Variants in PRIMA1 observed in about 807,000 individuals in gnomAD.
PRIMA1 encodes the protein proline rich membrane anchor 1.
A neutral mutation model predicts 17.5 loss-of-function variants in PRIMA1; 7 were observed. The observed-to-expected ratio is 0.40, with a 90% CI of 0.23 to 0.75. The LOEUF (loss-of-function observed/expected upper bound fraction) is 0.75. Among genes scored for constraint, PRIMA1 ranks in the 30% least tolerant of loss-of-function variants. PRIMA1 has a pLI of 0.37. For missense variants in PRIMA1, 200 were observed against 201.8 expected, an observed-to-expected ratio of 0.99 and a Z score of 0.05; for synonymous variants, 97 against 77.9, an observed-to-expected ratio of 1.25 and a Z score of -1.29.
Position 93,765,357 on chromosome 14 carries a change from T to C in PRIMA1, c.229+13819A>G, listed in dbSNP as rs142821415. On this transcript the variant is annotated intron_variant, in intron 3 of 4. Coordinates refer to ENST00000393140, the MANE Select transcript of PRIMA1 (RefSeq NM_178013.4). Reference sequence around the variant, plus strand: ...TGCTGCCGCTGAGGACACAGAGGCATAAACAGTTCCTGTCCTCAGGGATCG... The same window carrying C: ...TGCTGCCGCTGAGGACACAGAGGCACAAACAGTTCCTGTCCTCAGGGATCG... 5.9e-5 allele frequency among the ~76,000 whole-genome samples: 9 copies of C among 151,324 alleles called. No homozygotes were observed. The East Asian group carries it at 1.7e-3, about 29-fold the overall frequency.
chr14:93,766,561 G>A (rs1056249701), intron 3 of PRIMA1, among the ~76,000 whole-genome samples: 1 of 152,232 alleles, frequency 6.6e-6, no homozygotes, highest in Non-Finnish European at 1.5e-5. Flanking sequence ...TTTCAACCAC[G>A]GGACAGAGCT....
intron 4 of PRIMA1, among the ~76,000 whole-genome samples, chr14:93,734,022 G>C (rs2076132709): frequency 6.6e-6 from 1 of 152,158 alleles, no homozygotes; most frequent in Non-Finnish European, 1.5e-5. Flanking sequence ...TGGCAGTATT[G>C]GGCTCTATTT....
At chr14:93,736,868 CTT>C (rs1372119460) in intron 4 of PRIMA1, among the ~76,000 whole-genome samples, 1 of 152,192 alleles carries the variant, frequency 6.6e-6, no homozygotes, top group East Asian at 1.9e-4. Context: ...TCCTATGACT[CTT>C]TGGTGTTTTG....
At chr14:93,764,874 C>T (rs1884842637) in intron 3 of PRIMA1, among the ~76,000 whole-genome samples, 1 of 152,146 alleles carries the variant, frequency 6.6e-6, no homozygotes, top group Non-Finnish European at 1.5e-5. Context: ...AGGAAAGTGA[C>T]TCTGACGTTT....
intron 3 of PRIMA1, among the ~76,000 whole-genome samples, chr14:93,752,144 G>T (rs983301951): frequency 1.3e-5 from 2 of 152,108 alleles, no homozygotes; most frequent in South Asian, 2.1e-4. Flanking sequence ...ACAGCCACCC[G>T]GATCCTGCCA....
chr14:93,727,984 C>A lies in PRIMA1; in HGVS notation c.360-6438G>T, dbSNP rs1335026331. Among the ~76,000 whole-genome samples, 7 of 152,236 alleles carry A rather than the reference C, an allele frequency of 4.6e-5. 1 individual carries two copies. Among genetic ancestry groups the A allele is most frequent in the Non-Finnish European group, 8.8e-5 (6 of 68,046 alleles). On this transcript the variant is annotated intron_variant, in intron 4 of 4. Coordinates refer to ENST00000393140, the MANE Select transcript of PRIMA1 (RefSeq NM_178013.4). ...CTGAGCCAGCCCAGCCCAGCCTGGT[C>A]ACCATGGGCACTACAGAAATGCCCG...
At chr14:93,771,859 G>A (rs963778269) in intron 3 of PRIMA1, among the ~76,000 whole-genome samples, 1 of 152,146 alleles carries the variant, frequency 6.6e-6, no homozygotes, top group African/African-American at 2.4e-5. Flanking sequence ...AGGAAAGGGG[G>A]GTCCCTGAAG....
chr14:93,721,278 C>T lies in PRIMA1; in HGVS notation c.*166G>A. On this transcript the variant is annotated 3_prime_UTR_variant, in exon 5 of 5. Transcript: ENST00000393140. ...GAGCTGCCTGGGCCCGCAGGCTGACCAGGGGCAAGCCTGGGAAGACAATGG... is the reference window on the plus strand; with the variant it reads ...GAGCTGCCTGGGCCCGCAGGCTGACTAGGGGCAAGCCTGGGAAGACAATGG... 1 of 584,720 alleles carries T rather than the reference C, an allele frequency of 1.7e-6. No homozygotes were observed. The highest frequency in any genetic ancestry group is 2.1e-5 in the South Asian group (1 of 47,810). The allele number at this position is 584,720 out of a possible 1,614,324, so 36.2% of individuals were successfully genotyped here.
chr14:93,732,636 C>T (rs2076122310), intron 4 of PRIMA1, among the ~76,000 whole-genome samples: 1 of 152,228 alleles, frequency 6.6e-6, no homozygotes, highest in Non-Finnish European at 1.5e-5. Flanking sequence ...TGGCACCTGG[C>T]CCAGCCCTGG....
At chr14:93,746,085 C>T (rs1481064895) in intron 3 of PRIMA1, among the ~76,000 whole-genome samples, 2 of 152,018 alleles carry the variant, frequency 1.3e-5, no homozygotes, top group Non-Finnish European at 2.9e-5. Context: ...GCGGGCTCAG[C>T]CTAGGAGGTC....
intron 3 of PRIMA1, among the ~76,000 whole-genome samples, chr14:93,769,098 G>A (rs1042777621): frequency 1.3e-5 from 2 of 152,148 alleles, no homozygotes; most frequent in African/African-American, 2.4e-5. Context: ...GGAGATAGGA[G>A]TCATGTTCAT....
intron 3 of PRIMA1, among the ~76,000 whole-genome samples, chr14:93,740,234 A>C (rs2076176515): frequency 6.6e-6 from 1 of 152,238 alleles, no homozygotes; most frequent in Non-Finnish European, 1.5e-5. Flanking sequence ...GAACTCTAAA[A>C]TAAGAAAAAG....
At position 93,724,242 on chromosome 14, in the gene PRIMA1, C is replaced by G. The variant is rs547659487; in HGVS notation, c.360-2696G>C. The stretch of plus-strand genomic sequence containing the variant: ...ACTTGGGAAAGCCTTCCTCCACCCC[C>G]CTCTTAGAGATTCTGCAGAGTCCTC... On this transcript the variant is annotated intron_variant, in intron 4 of 4. Transcript: ENST00000393140. 1.4e-4 allele frequency among the ~76,000 whole-genome samples: 21 copies of G among 152,304 alleles called. No homozygotes were observed. In the East Asian group the frequency reaches 1.5e-3, roughly 11 times the overall value.
At chr14:93,730,399 G>A (rs1177272994) in intron 4 of PRIMA1, among the ~76,000 whole-genome samples, 1 of 152,240 alleles carries the variant, frequency 6.6e-6, no homozygotes, top group Non-Finnish European at 1.5e-5. Flanking sequence ...GGTGGCATTT[G>A]AGTTGGGTCT....
chr14:93,724,603 C>G (rs1408460974), intron 4 of PRIMA1, among the ~76,000 whole-genome samples: 1 of 152,160 alleles, frequency 6.6e-6, no homozygotes, highest in Non-Finnish European at 1.5e-5. Flanking sequence ...GTGACATTTT[C>G]TTACAGTGAG....
At position 93,726,421 on chromosome 14, in the gene PRIMA1, G is replaced by A. The variant is rs2076076362; in HGVS notation, c.360-4875C>T. The stretch of plus-strand genomic sequence containing the variant: ...GCCCCTGGGAGAAGTGAAAGTTAAA[G>A]GTCCTGGACTCACCTCTTATGAAGG... On this transcript the variant is annotated intron_variant, in intron 4 of 4. Transcript: ENST00000393140. The surrounding 1 kb of genome is among the most constrained non-coding windows in gnomAD (Gnocchi z 4.2). 1.3e-5 allele frequency among the ~76,000 whole-genome samples: 2 copies of A among 152,182 alleles called. 1 individual carries two copies.
At chr14:93,787,823 C>T (rs1885570296) in intron 1 of PRIMA1, 74 bp from the exon 2 acceptor site, 16 of 1,471,598 alleles carry the variant, frequency 1.1e-5, no homozygotes, top group Non-Finnish European at 1.4e-5. Context: ...AATATACCTC[C>T]CAGCCCGGGT....
At chr14:93,758,608 AAAAAGAAAAAG>A (rs1225071789) in intron 3 of PRIMA1, among the ~76,000 whole-genome samples, 1 of 149,334 alleles carries the variant, frequency 6.7e-6, no homozygotes, top group Admixed American at 6.6e-5. Context: ...AAAAAAAAAA[AAAAAGAAAAAG>A]AAAAAGAAAA....
chr14:93,760,416 C>T (rs985060125), intron 3 of PRIMA1, among the ~76,000 whole-genome samples: 33 of 152,154 alleles, frequency 2.2e-4, no homozygotes, highest in African/African-American at 4.8e-5. Context: ...CACCCGTCTT[C>T]GTGAATGCCA....
Sources: gnomAD v4.1 joint callset for allele counts (sites outside exome capture counted in the v4.1 genomes callset) on GRCh38, gnomAD v4.1.1 for gene constraint, Gnocchi (gnomAD v3.1) non-coding constraint, MANE v1.5 for transcripts, NCBI Gene and HGNC (gene_info 2026-07-23, HGNC 2026-07-21) for gene names.